The following CLDN16 variants were observed in gnomAD, a reference collection of about 807,000 sequenced individuals.
CLDN16 encodes claudin-16.
CLDN16 carries 13 observed loss-of-function variants against 24.6 expected under a neutral mutation model. That is an observed-to-expected ratio of 0.53 (90% CI 0.34 to 0.84). The LOEUF (loss-of-function observed/expected upper bound fraction) is 0.84, where lower values mean the gene tolerates loss of function less well. CLDN16 is among the 40% of genes least tolerant of loss of function. CLDN16 has a pLI of 0.01. For synonymous variants in CLDN16, 116 were observed against 106.7 expected (o/e 1.09, Z -0.54); for missense variants, 298 against 292.7 (o/e 1.02, Z -0.13).
chr3:190,338,397 A>C (rs1717357627), intron 1 of CLDN16, among the ~76,000 whole-genome samples: 1 of 152,226 alleles, frequency 6.6e-6, no homozygotes, highest in African/African-American at 2.4e-5. Context: ...TACCTAAGGA[A>C]AAGGGCTGCT....
intron 1 of CLDN16, among the ~76,000 whole-genome samples, chr3:190,347,921 T>C (rs954684075): frequency 1.3e-5 from 2 of 151,732 alleles, no homozygotes; most frequent in Non-Finnish European, 2.9e-5. Flanking sequence ...GGGAACCTAG[T>C]GGTGGTACAG....
chr3:190,342,804 T>A (rs908615405), intron 1 of CLDN16, among the ~76,000 whole-genome samples: 6 of 152,056 alleles, frequency 3.9e-5, no homozygotes, highest in Non-Finnish European at 5.9e-5. Flanking sequence ...CACACAAAAA[T>A]TAATTTAGAA....
upstream of CLDN16, chr3:190,387,766 C>T (rs1194373149): frequency 1.6e-5 from 5 of 315,424 alleles, no homozygotes; most frequent in East Asian, 1.5e-4. Context: ...CTCCCTTGAG[C>T]GAGCACTTGT....
At chr3:190,330,316 A>G (rs967743662) in intron 1 of CLDN16, among the ~76,000 whole-genome samples, 1 of 152,202 alleles carries the variant, frequency 6.6e-6, no homozygotes, top group Admixed American at 6.5e-5. Flanking sequence ...TTATAATAAT[A>G]GTAACTAGTT....
chr3:190,380,794 A>C (rs1410708135), intron 3 of CLDN16, among the ~76,000 whole-genome samples: 1 of 152,062 alleles, frequency 6.6e-6, no homozygotes, highest in Non-Finnish European at 1.5e-5. Context: ...TAAATAAATA[A>C]AAATAAATAA....
intron 1 of CLDN16, among the ~76,000 whole-genome samples, chr3:190,398,698 TTACTAC>T (rs1718882401): frequency 6.6e-6 from 1 of 152,214 alleles, no homozygotes; most frequent in Non-Finnish European, 1.5e-5. Flanking sequence ...TTTAAGCACT[TTACTAC>T]CACTATTTTT....
At chr3:190,391,024 T>G (rs894424520) in intron 1 of CLDN16, among the ~76,000 whole-genome samples, 1 of 152,126 alleles carries the variant, frequency 6.6e-6, no homozygotes, top group African/African-American at 2.4e-5. Context: ...AGGCCTCAAG[T>G]GATCCTCTTG....
the CLDN16 span, among the ~76,000 whole-genome samples, chr3:190,304,944 G>A: frequency 3.9e-5 from 6 of 152,206 alleles, no homozygotes; most frequent in African/African-American, 1.2e-4. Context: ...TACTTGGTAT[G>A]ATTCACAATC....
the CLDN16 span, among the ~76,000 whole-genome samples, chr3:190,311,538 A>G: frequency 6.6e-6 from 1 of 152,102 alleles, no homozygotes; most frequent in South Asian, 2.1e-4. Flanking sequence ...AAAGAAAATA[A>G]GAAAATAAAG....
At chr3:190,403,960 A>T (rs1209065887) in intron 2 of CLDN16, among the ~76,000 whole-genome samples, 1 of 152,184 alleles carries the variant, frequency 6.6e-6, no homozygotes, top group East Asian at 1.9e-4. Context: ...TGTTATATAC[A>T]TTTATGCAAG....
chr3:190,329,708 A>C (rs953094049), intron 1 of CLDN16, among the ~76,000 whole-genome samples: 4 of 152,184 alleles, frequency 2.6e-5, no homozygotes, highest in African/African-American at 9.7e-5. Context: ...TGGTTATTTA[A>C]CTTTTTTTCT....
At chr3:190,373,089 A>G (rs1183557172) in intron 2 of CLDN16, among the ~76,000 whole-genome samples, 1 of 151,942 alleles carries the variant, frequency 6.6e-6, no homozygotes, top group African/African-American at 2.4e-5. Context: ...GGTGTTCTTT[A>G]TCTGACATTT....
At chr3:190,360,044 G>T (rs796766786) in intron 1 of CLDN16, among the ~76,000 whole-genome samples, 21 of 152,074 alleles carry the variant, frequency 1.4e-4, no homozygotes, top group African/African-American at 3.9e-4. Flanking sequence ...TGAGACTGAG[G>T]CTTGGCTGAC....
Position 190,380,240 on chromosome 3 carries a change from C to CCCTTCCTTCCTTCCTTCCTT in CLDN16, n.306+5653_306+5654insCCTTCCTTCCTTCCTTCCTT, listed in dbSNP as rs1553806970. Among the ~76,000 whole-genome samples the CCCTTCCTTCCTTCCTTCCTT allele has an allele frequency of 5.4e-4, 26 of 47,888 alleles. 6 individuals carry two copies. Among genetic ancestry groups the CCCTTCCTTCCTTCCTTCCTT allele is most frequent in the Middle Eastern group, 0.011 (1 of 88 alleles). The allele number at this position is 47,888 out of a possible 152,430, so 31.4% of individuals were successfully genotyped here. On this transcript the variant is annotated intron_variant and non_coding_transcript_variant, in intron 3 of 4. Transcript: ENST00000468220. Reference sequence around the variant, plus strand: ...CCTTCCTTCCTTTTCTTCCTTCCCTCCCTTCCTTCCTTCCTTTCTTCCTTC... The same window carrying CCCTTCCTTCCTTCCTTCCTT: ...CCTTCCTTCCTTTTCTTCCTTCCCTCCCTTCCTTCCTTCCTTCCTTCCTTCCTTCCTTCCTTTCTTCCTTC...
chr3:190,400,353 C>T (rs1718932366), intron 1 of CLDN16, among the ~76,000 whole-genome samples: 1 of 152,082 alleles, frequency 6.6e-6, no homozygotes, highest in Non-Finnish European at 1.5e-5. Flanking sequence ...ATGCTCCTGC[C>T]TCCCGAGTGG....
the CLDN16 span, among the ~76,000 whole-genome samples, chr3:190,315,935 C>A: frequency 6.6e-6 from 1 of 152,200 alleles, no homozygotes; most frequent in African/African-American, 2.4e-5. Context: ...GCCCTTACTG[C>A]ACCCACCTGG....
the CLDN16 span, among the ~76,000 whole-genome samples, chr3:190,294,198 A>G: frequency 6.6e-6 from 1 of 152,190 alleles, no homozygotes; most frequent in African/African-American, 2.4e-5. Flanking sequence ...AACTACTTCA[A>G]ATCTCAACCA....
At chr3:190,399,034 A>G (rs930122319) in intron 1 of CLDN16, among the ~76,000 whole-genome samples, 1 of 152,208 alleles carries the variant, frequency 6.6e-6, no homozygotes, top group Non-Finnish European at 1.5e-5. Flanking sequence ...ATAATCCTCC[A>G]GAAAGTCCAA....
intron 3 of CLDN16, among the ~76,000 whole-genome samples, chr3:190,405,260 C>T (rs114479157): frequency 0.063 from 9,495 of 151,800 alleles, 821 homozygotes; most frequent in African/African-American, 0.19. Context: ...GAAACCCTAT[C>T]CCCACTAAAA....
Sources: allele counts gnomAD v4.1 joint callset (sites outside exome capture counted in the v4.1 genomes callset), GRCh38; gene constraint gnomAD v4.1.1; transcripts MANE v1.5; gene names NCBI Gene and HGNC (gene_info 2026-07-23, HGNC 2026-07-21).